Variants in EPM2A observed in about 807,000 individuals in gnomAD.
EPM2A encodes laforin.
EPM2A carries 21 observed loss-of-function variants against 26.5 expected under a neutral mutation model. The ratio of observed to expected loss-of-function variants is 0.79; its 90% CI spans 0.56 to 1.14. EPM2A has a LOEUF of 1.14. Among genes scored for constraint, EPM2A ranks in the 50% most tolerant of loss-of-function variants. The probability of loss-of-function intolerance (pLI) is 0.00; values close to 1 mark genes in which losing one functional copy is unlikely to be tolerated. For missense variants in EPM2A, 458 were observed against 440.8 expected (o/e 1.04, Z -0.35); for synonymous variants, 217 against 177.6 (o/e 1.22, Z -1.76).
At chr6:145,476,089 C>T (rs1341640926) in intron 4 of EPM2A, among the ~76,000 whole-genome samples, 2 of 151,920 alleles carry the variant, frequency 1.3e-5, no homozygotes, top group African/African-American at 4.8e-5. Flanking sequence ...ATATCCCATG[C>T]CAATTGAAAC....
intron 1 of EPM2A, among the ~76,000 whole-genome samples, chr6:145,716,160 T>C (rs1775608246): frequency 6.6e-6 from 1 of 152,150 alleles, no homozygotes; most frequent in African/African-American, 2.4e-5. Context: ...AAGTTTTGCT[T>C]TTTAGAATTT....
Position 145,506,099 on chromosome 6 carries a change from A to G in EPM2A, c.341-3524T>C, listed in dbSNP as rs1403190292. Reference sequence around the variant, plus strand: ...ACAATTGGTAATCTACTGTCAAGAAATGATGGAAAAAAAGAGACAGCCCCT... The same window carrying G: ...ACAATTGGTAATCTACTGTCAAGAAGTGATGGAAAAAAAGAGACAGCCCCT... On this transcript the variant is annotated intron_variant, in intron 2 of 3. Transcript: ENST00000450221. 2.0e-5 allele frequency among the ~76,000 whole-genome samples: 3 copies of G among 152,236 alleles called. No individual in the cohort carries two copies. The East Asian group carries it at 5.8e-4, about 29-fold the overall frequency.
chr6:145,492,947 C>T (rs1277970513), intron 4 of EPM2A, among the ~76,000 whole-genome samples: 1 of 152,206 alleles, frequency 6.6e-6, no homozygotes, highest in Non-Finnish European at 1.5e-5. Flanking sequence ...CTGTTCCAGG[C>T]TTGAGGGTGG....
chr6:145,662,155 T>C (rs984624531), intron 2 of EPM2A, among the ~76,000 whole-genome samples: 2 of 152,200 alleles, frequency 1.3e-5, no homozygotes, highest in African/African-American at 4.8e-5. Context: ...TCCTCCCTTC[T>C]TCCCACTTCC....
chr6:145,689,476 C>A (rs1171797614), intron 1 of EPM2A, among the ~76,000 whole-genome samples: 2 of 152,144 alleles, frequency 1.3e-5, no homozygotes, highest in Non-Finnish European at 2.9e-5. Flanking sequence ...GACACTGAGA[C>A]CTAAGAAAAG....
At position 145,554,708 on chromosome 6, in the gene EPM2A, AG is replaced by A. The variant is rs775037623; in HGVS notation, c.341-52134del. On this transcript the variant is annotated intron_variant, in intron 2 of 3. Coordinates refer to the EPM2A transcript ENST00000450221. ...GAGAGGAAGAATGTGCTCCTCATAT[AG>A]CCACCAGTCTCATCATGCGGGCCTA... Among the ~76,000 whole-genome samples, 8 of 152,220 alleles carry A rather than the reference AG, an allele frequency of 5.3e-5. No individual in the cohort carries two copies. In the East Asian group the frequency reaches 7.7e-4, roughly 15 times the overall value.
intron 1 of EPM2A, among the ~76,000 whole-genome samples, chr6:145,732,237 G>GTGTGCA (rs779975967): frequency 1.8e-3 from 37 of 20,260 alleles, no homozygotes; most frequent in Non-Finnish European, 3.7e-3. Flanking sequence ...GTGTGTGTGT[G>GTGTGCA]CGCGCCAAAG....
chr6:145,547,666 GACA>G (rs1182860501), intron 2 of EPM2A, among the ~76,000 whole-genome samples: 1 of 152,080 alleles, frequency 6.6e-6, no homozygotes, highest in Non-Finnish European at 1.5e-5. Flanking sequence ...GATGAATAGA[GACA>G]ACTATATCTG....
chr6:145,729,257 C>T (rs1307287832), intron 1 of EPM2A, among the ~76,000 whole-genome samples: 1 of 152,184 alleles, frequency 6.6e-6, no homozygotes, highest in East Asian at 1.9e-4. Flanking sequence ...AAACAGAGTT[C>T]CCACTGGGGC....
chr6:145,398,165 T>C (rs1034114928), intron 4 of EPM2A, among the ~76,000 whole-genome samples: 1 of 152,170 alleles, frequency 6.6e-6, no homozygotes, highest in African/African-American at 2.4e-5. Context: ...TAGACACCTA[T>C]AGATAATTAA....
At chr6:145,383,511 T>G (rs1970315) in exon 5 of EPM2A, 132,489 of 152,114 alleles carry the variant, frequency 0.87, 57,891 homozygotes, top group East Asian at 1. Flanking sequence ...AGACAGAGGA[T>G]GGGGAGGTGC....
At chr6:145,697,604 G>A (rs940786101) in intron 1 of EPM2A, among the ~76,000 whole-genome samples, 37 of 151,988 alleles carry the variant, frequency 2.4e-4, no homozygotes, top group Non-Finnish European at 2.1e-4. Flanking sequence ...AAAGATGGCC[G>A]CCCCCCGAAG....
chr6:145,518,627 A>G (rs1223789071), intron 2 of EPM2A, among the ~76,000 whole-genome samples: 5 of 148,152 alleles, frequency 3.4e-5, no homozygotes, highest in Non-Finnish European at 7.4e-5. Flanking sequence ...AAAAAAACAA[A>G]GAGGTTTTGA....
chr6:145,473,680 T>C (rs1363767433), intron 4 of EPM2A, among the ~76,000 whole-genome samples: 2 of 151,868 alleles, frequency 1.3e-5, no homozygotes. Flanking sequence ...AAGAAACAAA[T>C]AATATATAAT....
At chr6:145,390,759 G>A (rs1386719504) in intron 4 of EPM2A, among the ~76,000 whole-genome samples, 2 of 151,982 alleles carry the variant, frequency 1.3e-5, no homozygotes, top group South Asian at 2.1e-4. Context: ...TTTTCTCCCT[G>A]AGGCCAGTTT....
downstream of EPM2A, among the ~76,000 whole-genome samples, chr6:145,622,082 G>C (rs879774206): frequency 1.3e-5 from 2 of 152,096 alleles, no homozygotes; most frequent in Non-Finnish European, 2.9e-5. Context: ...CAGGACTCAT[G>C]CTTAAGTCTT....
At chr6:145,618,025 G>A (rs960212738) in intron 2 of EPM2A, among the ~76,000 whole-genome samples, 8 of 152,296 alleles carry the variant, frequency 5.3e-5, no homozygotes, top group Admixed American at 2.0e-4. Flanking sequence ...TGGCTTAACT[G>A]TCATAGAATG....
intron 1 of EPM2A, among the ~76,000 whole-genome samples, chr6:145,694,453 T>C (rs1310620544): frequency 6.6e-6 from 1 of 152,012 alleles, no homozygotes; most frequent in African/African-American, 2.4e-5. Flanking sequence ...CTGTTCCAGT[T>C]GAGCACTTTG....
chr6:145,472,233 C>T (rs1455366864), intron 4 of EPM2A, among the ~76,000 whole-genome samples: 2 of 151,694 alleles, frequency 1.3e-5, no homozygotes, highest in African/African-American at 4.8e-5. Context: ...AACTGAAGGA[C>T]CCCTGGGCCC....
Sources: gnomAD v4.1 joint callset for allele counts (sites outside exome capture counted in the v4.1 genomes callset) on GRCh38, gnomAD v4.1.1 for gene constraint, MANE v1.5 for transcripts, NCBI Gene and HGNC (gene_info 2026-07-23, HGNC 2026-07-21) for gene names.